Variants in CLIP1 observed in about 807,000 individuals in gnomAD.
The protein encoded by CLIP1 is CAP-Gly domain containing linker protein 1, also known as CAP-Gly domain-containing linker protein 1.
A neutral mutation model predicts 161.6 loss-of-function variants in CLIP1; 66 were observed. The ratio of observed to expected loss-of-function variants is 0.41; its 90% CI spans 0.33 to 0.50. The LOEUF is 0.50. Ranked by LOEUF, CLIP1 falls within the 20% of genes least tolerant of loss-of-function variation. The pLI is 0.27. For synonymous variants in CLIP1, 598 were observed against 626.2 expected (o/e 0.96, Z 0.67); for missense variants, 1,376 against 1,702.0 (o/e 0.81, Z 3.37).
Position 122,336,617 on chromosome 12 carries a change from C to G in CLIP1, c.2568+15G>C. ...GCCAGAAACCCTGAGATTCAGATTC[C>G]CAACAGGTACTTACCAAAATCTGAA... On this transcript the variant is annotated intron_variant, in intron 12 of 25. Transcript: ENST00000620786. 1 of 1,339,090 alleles carries G rather than the reference C, an allele frequency of 7.5e-7. No homozygotes were observed. The highest frequency in any genetic ancestry group is 1.1e-6 in the Non-Finnish European group (1 of 937,434). 83.0% of individuals were successfully genotyped at this position (1,339,090 alleles called of 1,614,324 possible).
At chr12:122,353,214 G>A (rs7313284) in intron 7 of CLIP1, among the ~76,000 whole-genome samples, 79,214 of 151,914 alleles carry the variant, frequency 0.52, 22,717 homozygotes, top group Non-Finnish European at 0.63. Flanking sequence ...GTGTGGCAGC[G>A]TGCACCCGTG....
At chr12:122,349,666 C>CA (rs560925518) in intron 9 of CLIP1, among the ~76,000 whole-genome samples, 57 of 152,306 alleles carry the variant, frequency 3.7e-4, no homozygotes, top group African/African-American at 1.3e-3. Flanking sequence ...AATAAGAACA[C>CA]AGAGTATCCC....
At chr12:122,406,397 C>G (rs1206223889) in intron 1 of CLIP1, among the ~76,000 whole-genome samples, 1 of 152,168 alleles carries the variant, frequency 6.6e-6, no homozygotes, top group African/African-American at 2.4e-5. Context: ...CATTCAGACA[C>G]TAAAGGACTG....
In CLIP1 at chr12:122,422,511, C is replaced by A; in HGVS notation, c.-107+10G>T. The A allele has an allele frequency of 6.6e-6, 1 of 151,026 alleles. No homozygotes were observed. The highest frequency in any genetic ancestry group is 1.8e-4 in the South Asian group (1 of 5,534). 9.4% of individuals were successfully genotyped at this position (151,026 alleles called of 1,614,324 possible). A position where few individuals can be genotyped will look rare whatever the true frequency, so the allele number is the denominator to read the frequency against. ...GGAAAGGGAGAGGGCCCGCGCCGCC[C>A]CCTGCTCACCTCCTCGGACGCCGCC... On this transcript the variant is annotated intron_variant, in intron 1 of 25. Coordinates refer to ENST00000620786, the MANE Select transcript of CLIP1 (RefSeq NM_001247997.2).
rs1398497237 is a variant in CLIP1 at position 122,334,127 on chromosome 12, T to G, written c.2627-17A>C. 1.3e-6 allele frequency: 2 copies of G among 1,505,014 alleles called. No individual in the cohort carries two copies. Among genetic ancestry groups the G allele is most frequent in the African/African-American group, 2.8e-5 (2 of 72,514 alleles). 93.2% of individuals were successfully genotyped at this position (1,505,014 alleles called of 1,614,324 possible). On this transcript the variant is annotated splice_polypyrimidine_tract_variant and intron_variant, in intron 13 of 25. Coordinates refer to ENST00000620786, the MANE Select transcript of CLIP1 (RefSeq NM_001247997.2). ...TTACAGTTTCTATTTAGGATAAAAG[T>G]TAGAAGTTTAATATGTTTCATATTT...
intron 25 of CLIP1, 67 bp from the exon 26 acceptor site, chr12:122,273,167 A>C (rs1488607153): frequency 3.0e-6 from 4 of 1,354,112 alleles, no homozygotes; most frequent in Non-Finnish European, 4.1e-6. Context: ...GAACACTTGC[A>C]AAAAATTTAA....
intron 25 of CLIP1, 93 bp downstream of exon 25, chr12:122,273,945 T>C (rs924058550): frequency 3.7e-5 from 38 of 1,019,174 alleles, no homozygotes; most frequent in Non-Finnish European, 5.5e-5. Flanking sequence ...TTGGCCAGGC[T>C]GGTCTCGAAC....
At chr12:122,406,482 AT>A (rs1395137639) in intron 1 of CLIP1, among the ~76,000 whole-genome samples, 1 of 152,196 alleles carries the variant, frequency 6.6e-6, no homozygotes, top group African/African-American at 2.4e-5. Flanking sequence ...TTTATTTCCA[AT>A]TTCTAACTGA....
chr12:122,415,504 G>GT (rs1162305442), intron 1 of CLIP1, among the ~76,000 whole-genome samples: 1 of 136,608 alleles, frequency 7.3e-6, no homozygotes, highest in Non-Finnish European at 1.6e-5. Context: ...AAAAAAAAGT[G>GT]TTATCTAAAG....
At chr12:122,319,120 C>G in intron 18 of CLIP1, 112 bp downstream of exon 18, 2 of 723,134 alleles carry the variant, frequency 2.8e-6, no homozygotes, top group Non-Finnish European at 5.0e-6. Context: ...GCATTTCAAA[C>G]CTGTGTAAAG....
rs57202144 is a variant in CLIP1, at chr12:122,341,762, CTTTTTTTTTTTTTTTTTTTTTTTTTTT to C, written c.1507-92_1507-66del. 274 of 98,558 alleles carry C rather than the reference CTTTTTTTTTTTTTTTTTTTTTTTTTTT, an allele frequency of 2.8e-3. 3 individuals carry two copies. The highest frequency in any genetic ancestry group is 0.012 in the East Asian group (71 of 5,760). The allele number at this position is 98,558 out of a possible 1,614,324, so 6.1% of individuals were successfully genotyped here. A position where few individuals can be genotyped will look rare whatever the true frequency, so the allele number is the denominator to read the frequency against. On this transcript the variant is annotated intron_variant, in intron 10 of 25. Coordinates refer to ENST00000620786, the MANE Select transcript of CLIP1 (RefSeq NM_001247997.2). ...AACAAGTCATTGACTATTTTCTTTT[CTTTTTTTTTTTTTTTTTTTTTTTTTTT>C]TTTTTTTTTTTGAGATGGAGTTTCG...
chr12:122,315,039 G>A (rs537527970), intron 19 of CLIP1, among the ~76,000 whole-genome samples: 3 of 152,228 alleles, frequency 2.0e-5, no homozygotes, highest in Admixed American at 6.5e-5. Flanking sequence ...GAAAATCACC[G>A]ACATCACAAG....
intron 24 of CLIP1, 68 bp from the exon 25 acceptor site, chr12:122,274,230 T>A: frequency 7.2e-7 from 1 of 1,396,928 alleles, no homozygotes; most frequent in Non-Finnish European, 1.0e-6. Context: ...CAAGAAGTCA[T>A]GAAGTTTATA....
At chr12:122,347,607 T>A in intron 9 of CLIP1, 128 bp from the exon 10 acceptor site, 1 of 687,708 alleles carries the variant, frequency 1.5e-6, no homozygotes, top group African/African-American at 1.7e-5. Flanking sequence ...CAAAGGGGAA[T>A]GGAGAAGGGA....
intron 17 of CLIP1, chr12:122,322,085 G>A (rs1332253912): frequency 6.6e-6 from 1 of 152,626 alleles, no homozygotes; most frequent in Non-Finnish European, 1.5e-5. Flanking sequence ...AGCAGTCTGG[G>A]TGCTCAATAC....
chr12:122,373,176 G>A (rs531991525), intron 3 of CLIP1, among the ~76,000 whole-genome samples: 2 of 152,254 alleles, frequency 1.3e-5, no homozygotes, highest in East Asian at 3.9e-4. Flanking sequence ...TGTAATCGCA[G>A]CACTTTGGGA....
At chr12:122,316,660 C>T in intron 19 of CLIP1, 89 bp downstream of exon 19, 1 of 829,824 alleles carries the variant, frequency 1.2e-6, no homozygotes. Context: ...TTATGTACTT[C>T]TCAAATAATT....
intron 8 of CLIP1, 151 bp downstream of exon 8, chr12:122,352,575 G>C: frequency 1.5e-6 from 1 of 668,504 alleles, no homozygotes; most frequent in Non-Finnish European, 2.7e-6. Context: ...CTCAAGTACC[G>C]GCACCGTCAC....
At chr12:122,390,207 T>TAC (rs1385652028) in intron 1 of CLIP1, among the ~76,000 whole-genome samples, 1 of 128,808 alleles carries the variant, frequency 7.8e-6, no homozygotes, top group Non-Finnish European at 1.7e-5. Flanking sequence ...AATATATATA[T>TAC]ACACACATAT....
Sources: gnomAD v4.1 joint callset for allele counts (sites outside exome capture counted in the v4.1 genomes callset) on GRCh38, gnomAD v4.1.1 for gene constraint, MANE v1.5 for transcripts, NCBI Gene and HGNC (gene_info 2026-07-23, HGNC 2026-07-21) for gene names.